The following GLIPR1L2 variants were observed in gnomAD, a reference collection of about 807,000 sequenced individuals.
GLIPR1L2 encodes the protein GLIPR1 like 2, also known as GLIPR1-like protein 2.
Under a neutral mutation model 28.4 loss-of-function variants are expected in GLIPR1L2, and 21 were observed. The ratio of observed to expected loss-of-function variants is 0.74; its 90% CI spans 0.52 to 1.06. GLIPR1L2 has a LOEUF of 1.06. Ranked by LOEUF, GLIPR1L2 falls within the 50% of genes least tolerant of loss-of-function variation. The pLI is 0.00. For synonymous variants in GLIPR1L2, 145 were observed against 139.3 expected (o/e 1.04, Z -0.29); for missense variants, 476 against 416.9 (o/e 1.14, Z -1.23).
rs2045584512 is a variant in GLIPR1L2, at chr12:75,391,293, C to T, written c.177C>T (p.Asn59=). 6.2e-7 allele frequency: 1 copy of T among 1,614,064 alleles called. No individual in the cohort carries two copies. The change falls in exon 1 of 6, where the codon AAC becomes AAT. Residue 59 remains asparagine, a synonymous_variant. Coordinates refer to ENST00000550916, the MANE Select transcript of GLIPR1L2 (RefSeq NM_001270396.2). ...EDVDFINEYV[N]LHNELRGDVI... ...TAGACTTTATCAACGAGTACGTGAA[C>T]CTCCACAATGAGCTGCGGGGCGACG...
chr12:75,426,870 G>GT (rs2046039576), intron 4 of GLIPR1L2, among the ~76,000 whole-genome samples: 1 of 152,160 alleles, frequency 6.6e-6, no homozygotes, highest in Admixed American at 6.5e-5. Context: ...GGAGCATGCA[G>GT]TTACATTTGG....
chr12:75,418,032 C>T (rs1348761529), intron 3 of GLIPR1L2, among the ~76,000 whole-genome samples: 1 of 151,956 alleles, frequency 6.6e-6, no homozygotes, highest in Non-Finnish European at 1.5e-5. Flanking sequence ...CATGTTGGAT[C>T]TGCAGTTGAC....
intron 4 of GLIPR1L2, 178 bp downstream of exon 4, chr12:75,423,167 A>T: frequency 1.4e-6 from 2 of 1,465,528 alleles, no homozygotes; most frequent in Middle Eastern, 2.6e-4. Flanking sequence ...TAAACTGCAG[A>T]GCTTTTTCTG....
chr12:75,403,183 G>A (rs2045761259), intron 1 of GLIPR1L2: 1 of 455,810 alleles, frequency 2.2e-6, no homozygotes, highest in Admixed American at 2.4e-5. Context: ...CCAGATGACA[G>A]TCTGTTGAAG....
At chr12:75,407,463 TA>T in intron 1 of GLIPR1L2, among the ~76,000 whole-genome samples, 1 of 152,174 alleles carries the variant, frequency 6.6e-6, no homozygotes, top group East Asian at 1.9e-4. Flanking sequence ...TGTGGAACTA[TA>T]AAACAAAATA....
chr12:75,431,033 A>G lies in GLIPR1L2; in HGVS notation c.907A>G (p.Lys303Glu), dbSNP rs1255200028. 2 of 1,516,052 alleles carry G rather than the reference A, an allele frequency of 1.3e-6. No homozygotes were observed. Among genetic ancestry groups the G allele is most frequent in the Non-Finnish European group, 1.8e-6 (2 of 1,128,592 alleles). 93.9% of individuals were successfully genotyped at this position (1,516,052 alleles called of 1,614,324 possible). The change falls in exon 6 of 6, where the codon AAA becomes GAA. Residue 303 changes from lysine (K) to glutamate (E), a missense_variant. Transcript: ENST00000550916. ...TGAAGCAGGGAATGAAGAGGAGGAA[A>G]AAGAGGAAGAGAAGAAAGAGAAAGA... ...ESEAGNEEEE[K>E]EEEKKEKEEM...
chr12:75,427,195 G>A (rs2046042871), intron 4 of GLIPR1L2, among the ~76,000 whole-genome samples: 1 of 150,556 alleles, frequency 6.6e-6, no homozygotes, highest in African/African-American at 2.4e-5. Flanking sequence ...CAATAGAGGT[G>A]TAAGTAAGTT....
intron 1 of GLIPR1L2, among the ~76,000 whole-genome samples, chr12:75,395,639 AATT>A (rs2045674209): frequency 6.6e-6 from 1 of 151,194 alleles, no homozygotes; most frequent in Non-Finnish European, 1.5e-5. Context: ...TATTTTATGA[AATT>A]ATTATTTTAT....
chr12:75,392,524 T>C (rs1355593914), intron 1 of GLIPR1L2, among the ~76,000 whole-genome samples: 1 of 152,226 alleles, frequency 6.6e-6, no homozygotes, highest in African/African-American at 2.4e-5. Flanking sequence ...CATTTGGTTC[T>C]ATCTGCTGAA....
chr12:75,406,830 ACT>A (rs1051875089), intron 1 of GLIPR1L2, among the ~76,000 whole-genome samples: 1 of 150,402 alleles, frequency 6.6e-6, no homozygotes, highest in Admixed American at 6.6e-5. Context: ...CCTGACAAAG[ACT>A]CTCTCTCTAC....
chr12:75,398,748 G>T (rs1003206699), intron 1 of GLIPR1L2, among the ~76,000 whole-genome samples: 1 of 152,084 alleles, frequency 6.6e-6, no homozygotes, highest in Non-Finnish European at 1.5e-5. Flanking sequence ...AGAAAGAACA[G>T]TGCAGTCAAT....
In GLIPR1L2 at chr12:75,430,825, T is replaced by C. The variant is rs1455084076; in HGVS notation, c.699T>C (p.Tyr233=). The C allele has an allele frequency of 3.3e-6, 5 of 1,533,384 alleles. No individual in the cohort carries two copies. The African/African-American group carries it at 5.5e-5, about 17-fold the overall frequency. 95.0% of individuals were successfully genotyped at this position (1,533,384 alleles called of 1,614,324 possible). ...TTTCAATTGCTTCTTTGTTTACAGA[T>C]TACCGATTTTGGTATCCAAAATGGG... is the stretch of plus-strand genomic sequence containing the variant. The part of the protein sequence containing the change: ...CSNADRDQAT[Y]YRFWYPKWEM... The change falls in exon 6 of 6, where the codon TAT becomes TAC. Residue 233 remains tyrosine (Y), a splice_region_variant and synonymous_variant. Transcript: ENST00000550916.
At position 75,391,260 on chromosome 12, in the gene GLIPR1L2, G is replaced by T. The variant is rs902364775; in HGVS notation, c.144G>T (p.Glu48Asp). ...SSLNARFLPDEEDVDFINEYV... is the reference protein window; with the variant it reads ...SSLNARFLPDDEDVDFINEYV... ...TGAACGCCAGATTTTTGCCAGACGA[G>T]GAGGACGTAGACTTTATCAACGAGT... The change falls in exon 1 of 6, where the codon GAG becomes GAT. Residue 48 changes from glutamate (E) to aspartate (D), a missense_variant. Physicochemically the swap from Glu to Asp is conservative, Grantham distance 45. Coordinates refer to ENST00000550916, the MANE Select transcript of GLIPR1L2 (RefSeq NM_001270396.2). The T allele has an allele frequency of 3.3e-5, 53 of 1,614,234 alleles. No homozygotes were observed. Among genetic ancestry groups the T allele is most frequent in the Non-Finnish European group, 4.4e-5 (52 of 1,180,026 alleles).
rs146242669 is a variant in GLIPR1L2 at position 75,400,550 on chromosome 12, G to A, written c.234+9200G>A. Among the ~76,000 whole-genome samples the A allele has an allele frequency of 3.7e-3, 563 of 152,218 alleles. 2 individuals are homozygous for A. Among genetic ancestry groups the A allele is most frequent in the African/African-American group, 0.012 (515 of 41,522 alleles). On this transcript the variant is annotated intron_variant, in intron 1 of 5. Transcript: ENST00000550916. ...AATAGAAAATAGTGGACAGATCCAC[G>A]GAATTAATTAGTTACTTATAGAAGT...
intron 1 of GLIPR1L2, among the ~76,000 whole-genome samples, chr12:75,396,807 A>G (rs1047716132): frequency 6.6e-6 from 1 of 152,200 alleles, no homozygotes; most frequent in African/African-American, 2.4e-5. Context: ...GAAGTGTGCT[A>G]AAGTTTGAGA....
chr12:75,421,840 A>G (rs1389389970), intron 3 of GLIPR1L2, among the ~76,000 whole-genome samples: 1 of 152,168 alleles, frequency 6.6e-6, no homozygotes, highest in Non-Finnish European at 1.5e-5. Flanking sequence ...ATTGATGCAG[A>G]TGAGTCTTTG....
intron 3 of GLIPR1L2, among the ~76,000 whole-genome samples, chr12:75,420,256 A>G (rs1256984036): frequency 1.3e-5 from 2 of 152,202 alleles, no homozygotes; most frequent in African/African-American, 4.8e-5. Flanking sequence ...TTGTCAAGCT[A>G]TGGGCTGGAT....
Position 75,430,611 on chromosome 12 carries a change from C to G in GLIPR1L2, c.671-104C>G, listed in dbSNP as rs1594036784. ...TGGAGGGAGGACATCAAAGATAATG[C>G]CTGAGAACTAGGAGAAAGTGACACT... On this transcript the variant is annotated intron_variant, in intron 4 of 5. Transcript: ENST00000550916. 8 of 1,056,022 alleles carry G rather than the reference C, an allele frequency of 7.6e-6. No individual in the cohort carries two copies. In the South Asian group the frequency reaches 1.3e-4, roughly 17 times the overall value. 65.4% of individuals were successfully genotyped at this position (1,056,022 alleles called of 1,614,324 possible).
chr12:75,403,741 A>G (rs1240738520), intron 1 of GLIPR1L2, among the ~76,000 whole-genome samples: 1 of 151,190 alleles, frequency 6.6e-6, no homozygotes, highest in Non-Finnish European at 1.5e-5. Flanking sequence ...TCAACCCCCT[A>G]CCTCCTTCAT....
Sources: allele counts gnomAD v4.1 joint callset (sites outside exome capture counted in the v4.1 genomes callset), GRCh38; gene constraint gnomAD v4.1.1; transcripts MANE v1.5; gene names NCBI Gene and HGNC (gene_info 2026-07-23, HGNC 2026-07-21).